Variants in ROBO2 observed in about 807,000 individuals in gnomAD.
ROBO2 encodes the protein roundabout guidance receptor 2.
Under a neutral mutation model 160.8 loss-of-function variants are expected in ROBO2, and 53 were observed. The observed-to-expected ratio is 0.33, with a 90% CI of 0.26 to 0.41. The LOEUF is 0.41. Ranked by LOEUF, ROBO2 falls within the 10% of genes least tolerant of loss-of-function variation. The pLI is 1.00. For synonymous variants in ROBO2, 664 were observed against 611.7 expected (o/e 1.09, Z -1.26); for missense variants, 1,577 against 1,722.4 (o/e 0.92, Z 1.49).
Position 76,448,667 on chromosome 3 carries a change from T to C in ROBO2, c.109+511065T>C, listed in dbSNP as rs1411300201. Among the ~76,000 whole-genome samples the C allele has an allele frequency of 2.6e-5, 4 of 152,172 alleles. No homozygotes were observed. In the East Asian group the frequency reaches 5.8e-4, roughly 22 times the overall value. ...AATCCTTCCAAACATTTTTAAGAAG[T>C]ACATAAAATTCTTGGAACCAACTAA... On this transcript the variant is annotated intron_variant, in intron 2 of 26. Transcript: ENST00000487694.
intron 2 of ROBO2, among the ~76,000 whole-genome samples, chr3:76,564,528 A>G (rs1054526839): frequency 1.3e-5 from 2 of 152,032 alleles, no homozygotes; most frequent in Non-Finnish European, 2.9e-5. Context: ...TTTCCCTCAC[A>G]TTTTTATCCA....
At chr3:76,714,579 G>C (rs1414079329) in intron 2 of ROBO2, among the ~76,000 whole-genome samples, 1 of 152,132 alleles carries the variant, frequency 6.6e-6, no homozygotes, top group Admixed American at 6.5e-5. Flanking sequence ...TCTTGAAACA[G>C]AAATCTTAAG....
At chr3:76,842,374 C>T (rs1396353001) in intron 2 of ROBO2, among the ~76,000 whole-genome samples, 1 of 152,110 alleles carries the variant, frequency 6.6e-6, no homozygotes, top group Non-Finnish European at 1.5e-5. Flanking sequence ...TGTTCCTTGT[C>T]CACATTATTA....
intron 17 of ROBO2, among the ~76,000 whole-genome samples, chr3:77,593,273 T>G (rs2094220703): frequency 6.6e-6 from 1 of 152,018 alleles, no homozygotes; most frequent in African/African-American, 2.4e-5. Context: ...TTAGCTATAC[T>G]GTTTTCACAT....
chr3:76,484,601 T>C (rs1273969591), intron 2 of ROBO2, among the ~76,000 whole-genome samples: 1 of 152,186 alleles, frequency 6.6e-6, no homozygotes, highest in African/African-American at 2.4e-5. Flanking sequence ...GGTTAAATTT[T>C]CTAAAAGCTT....
At chr3:76,847,644 A>T (rs1183117834) in intron 2 of ROBO2, among the ~76,000 whole-genome samples, 1 of 152,142 alleles carries the variant, frequency 6.6e-6, no homozygotes, top group Admixed American at 6.6e-5. Flanking sequence ...CGCCTTTCCC[A>T]CTGCACCTGG....
chr3:77,199,386 C>G (rs1040083265), intron 2 of ROBO2, among the ~76,000 whole-genome samples: 1 of 152,148 alleles, frequency 6.6e-6, no homozygotes, highest in African/African-American at 2.4e-5. Flanking sequence ...ATGGTAGGAG[C>G]AGACACAGTC....
At chr3:76,673,169 C>T (rs560234785) in intron 2 of ROBO2, among the ~76,000 whole-genome samples, 2 of 149,676 alleles carry the variant, frequency 1.3e-5, no homozygotes, top group Non-Finnish European at 2.9e-5. Flanking sequence ...AAACAGTAAA[C>T]GGTTCATCTC....
intron 21 of ROBO2, among the ~76,000 whole-genome samples, chr3:77,614,304 G>T (rs1039566079): frequency 1.3e-5 from 2 of 152,084 alleles, no homozygotes; most frequent in African/African-American, 4.8e-5. Flanking sequence ...ATTTAATTGT[G>T]ATCTCCAACA....
chr3:77,250,693 AAG>A (rs2090240998), intron 2 of ROBO2, among the ~76,000 whole-genome samples: 1 of 151,890 alleles, frequency 6.6e-6, no homozygotes, highest in Non-Finnish European at 1.5e-5. Context: ...GGAGTTTGGA[AAG>A]AGGAGATGCA....
intron 19 of ROBO2, among the ~76,000 whole-genome samples, chr3:77,601,608 A>G (rs1439982519): frequency 6.6e-6 from 1 of 152,190 alleles, no homozygotes; most frequent in African/African-American, 2.4e-5. Context: ...TTCTATAGTT[A>G]AATTCTGCTA....
At chr3:76,055,113 G>A (rs913918142) in intron 2 of ROBO2, among the ~76,000 whole-genome samples, 6 of 152,096 alleles carry the variant, frequency 3.9e-5, no homozygotes, top group African/African-American at 1.4e-4. Flanking sequence ...CTTACATGGC[G>A]GCAGGGAAGA....
chr3:76,251,477 A>AT (rs1398113651), intron 2 of ROBO2, among the ~76,000 whole-genome samples: 10 of 152,072 alleles, frequency 6.6e-5, no homozygotes, highest in Non-Finnish European at 2.9e-5. Flanking sequence ...CACAATTTGG[A>AT]TTTTATAACA....
chr3:76,381,045 A>AG (rs2076595361), intron 2 of ROBO2, among the ~76,000 whole-genome samples: 1 of 152,022 alleles, frequency 6.6e-6, no homozygotes, highest in Admixed American at 6.6e-5. Context: ...AAAAAAAAAA[A>AG]AAAAAAGCAG....
intron 2 of ROBO2, among the ~76,000 whole-genome samples, chr3:76,669,123 TGGGAAGCA>T (rs2092166286): frequency 1.3e-5 from 2 of 152,078 alleles, no homozygotes; most frequent in African/African-American, 4.8e-5. Flanking sequence ...CCCTACGGAA[TGGGAAGCA>T]CCCTCTTTTC....
At chr3:76,732,253 T>C (rs901575694) in intron 2 of ROBO2, among the ~76,000 whole-genome samples, 1 of 152,260 alleles carries the variant, frequency 6.6e-6, no homozygotes, top group African/African-American at 2.4e-5. Flanking sequence ...CTTAGAAGAC[T>C]GAAGGAGACT....
At chr3:77,306,519 TTAAAA>T (rs1294585075) in intron 2 of ROBO2, among the ~76,000 whole-genome samples, 1 of 152,174 alleles carries the variant, frequency 6.6e-6, no homozygotes, top group Non-Finnish European at 1.5e-5. Context: ...TTAGCTTCTC[TTAAAA>T]TAAACACACA....
chr3:77,600,223 A>G (rs2094403588), intron 19 of ROBO2, among the ~76,000 whole-genome samples: 1 of 152,210 alleles, frequency 6.6e-6, no homozygotes, highest in African/African-American at 2.4e-5. Flanking sequence ...ATCATCTGGT[A>G]TTATAGGACT....
rs777182128 is a variant in ROBO2 at position 76,325,704 on chromosome 3, A to G, written c.109+388102A>G. ...CAGAGACAGTGCAAAAAATAAGAAT[A>G]AAAGGCCAAATTAAAAAAAAAAACA... On this transcript the variant is annotated intron_variant, in intron 2 of 26. Coordinates refer to the ROBO2 transcript ENST00000487694. Among the ~76,000 whole-genome samples the G allele has an allele frequency of 5.6e-4, 85 of 150,888 alleles. 1 individual carries two copies. The highest frequency in any genetic ancestry group is 8.9e-5 in the Non-Finnish European group (6 of 67,622).
Sources: gnomAD v4.1 joint callset for allele counts (sites outside exome capture counted in the v4.1 genomes callset) on GRCh38, gnomAD v4.1.1 for gene constraint, MANE v1.5 for transcripts, NCBI Gene and HGNC (gene_info 2026-07-23, HGNC 2026-07-21) for gene names.